The following RGL2 variants were observed in gnomAD, a reference collection of about 807,000 sequenced individuals.
RGL2 encodes ral guanine nucleotide dissociation stimulator-like 2.
RGL2 carries 40 observed loss-of-function variants against 84.6 expected under a neutral mutation model. The ratio of observed to expected loss-of-function variants is 0.47; its 90% confidence interval spans 0.37 to 0.62. The LOEUF is 0.62. RGL2 is among the 20% of genes least tolerant of loss of function. The probability of loss-of-function intolerance (pLI) is 0.00; values close to 1 mark genes in which losing one functional copy is unlikely to be tolerated. For missense variants in RGL2, 865 were observed against 1,019.7 expected, an observed-to-expected ratio of 0.85 and a Z score of 2.07; for synonymous variants, 369 against 417.3, an observed-to-expected ratio of 0.88 and a Z score of 1.41.
chr6:33,292,773 A>C (rs1767537353), intron 16 of RGL2, among the ~76,000 whole-genome samples: 1 of 152,234 alleles, frequency 6.6e-6, no homozygotes, highest in Non-Finnish European at 1.5e-5. Flanking sequence ...AAATTTTAAC[A>C]CGGCGACCAA....
At position 33,296,472 on chromosome 6, in the gene RGL2, G is replaced by A. The variant is rs1767969165; in HGVS notation, c.420-8C>T. ...GATTCAAGGGCTTCCAGCCTGAGGG[G>A]GAGAAGAGGATCTATCTGTCCATTT... is the stretch of plus-strand genomic sequence containing the variant. On this transcript the variant is annotated splice_region_variant and splice_polypyrimidine_tract_variant and intron_variant, in intron 4 of 17. Transcript: ENST00000497454. This position sits in a 1 kb window ranked among gnomAD's most constrained non-coding sequence, Gnocchi z 5.0. 5 of 1,604,284 alleles carry A rather than the reference G, an allele frequency of 3.1e-6. No homozygotes were observed. Among genetic ancestry groups the A allele is most frequent in the Non-Finnish European group, 4.3e-6 (5 of 1,175,218 alleles).
rs964379270 is a variant in RGL2 at position 33,294,624 on chromosome 6, G to A, written c.1353+64C>T. 5.5e-5 allele frequency: 86 copies of A among 1,574,024 alleles called. No individual in the cohort carries two copies. The South Asian group carries it at 9.5e-4, about 17-fold the overall frequency. On this transcript the variant is annotated intron_variant, in intron 11 of 17. Transcript: ENST00000497454. The surrounding 1 kb of genome is among the most constrained non-coding windows in gnomAD (Gnocchi z 5.0). ...TACAGCCCCTTGCAAGGGGCGGGGGGGTCTGTCCGACCCTGCAGCCCACTT... is the reference window on the plus strand; with the variant it reads ...TACAGCCCCTTGCAAGGGGCGGGGGAGTCTGTCCGACCCTGCAGCCCACTT...
Position 33,292,482 on chromosome 6 carries a change from G to A in RGL2, c.2070C>T (p.Asp690=), listed in dbSNP as rs541370191. The A allele has an allele frequency of 4.3e-6, 7 of 1,614,044 alleles. No homozygotes were observed. The highest frequency in any genetic ancestry group is 5.1e-6 in the Non-Finnish European group (6 of 1,180,044). The part of the protein sequence containing the change: ...ISRVLKKNNR[D]SAVASEYELV... ...GCTCATACTCTGAAGCCACTGCAGA[G>A]TCACGATTGTTTTTCTTAAGGACAC... The change falls in exon 17 of 18, where the codon GAC becomes GAT. Residue 690 remains aspartate, a synonymous_variant. Transcript: ENST00000497454.
Position 33,291,969 on chromosome 6 carries a change from A to T in RGL2, c.*133T>A. 1.1e-6 allele frequency: 1 copy of T among 927,384 alleles called. No individual in the cohort carries two copies. The highest frequency in any genetic ancestry group is 1.6e-5 in the South Asian group (1 of 64,006). 57.4% of individuals were successfully genotyped at this position (927,384 alleles called of 1,614,324 possible). A position where few individuals can be genotyped will look rare whatever the true frequency, so the allele number is the denominator to read the frequency against. ...CTCAGCTGTCTGGTAAACCAGTGGCACTTCACTGCCCCAGGGTGGCTGGCT... is the reference window on the plus strand; with the variant it reads ...CTCAGCTGTCTGGTAAACCAGTGGCTCTTCACTGCCCCAGGGTGGCTGGCT... On this transcript the variant is annotated 3_prime_UTR_variant, in exon 18 of 18. Transcript: ENST00000497454.
Position 33,295,244 on chromosome 6 carries a change from G to A in RGL2, c.1125-33C>T. On this transcript the variant is annotated intron_variant, in intron 8 of 17. Transcript: ENST00000497454. This position sits in a 1 kb window ranked among gnomAD's most constrained non-coding sequence, Gnocchi z 7.2. ...AGGGAGAAAAGTGGCCCTGAGGACA[G>A]GCCTGGCTCTGTCACCCCCTCTTCC... The A allele has an allele frequency of 6.3e-7, 1 of 1,578,586 alleles. No individual in the cohort carries two copies. Among genetic ancestry groups the A allele is most frequent in the Non-Finnish European group, 8.6e-7 (1 of 1,161,030 alleles).
rs1019221287 is a variant in RGL2, at chr6:33,291,788, G to C, written c.*314C>G. 7.4e-6 allele frequency: 4 copies of C among 537,030 alleles called. No homozygotes were observed. The African/African-American group carries it at 7.6e-5, about 10-fold the overall frequency. The allele number at this position is 537,030 out of a possible 1,614,324, so 33.3% of individuals were successfully genotyped here. A position where few individuals can be genotyped will look rare whatever the true frequency, so the allele number is the denominator to read the frequency against. ...CTGCCCTGGGGCTCAGAGCCTTGAA[G>C]CCTTTGCTTGGCCCTTGCATGTTAG... On this transcript the variant is annotated 3_prime_UTR_variant, in exon 18 of 18. Coordinates refer to ENST00000497454, the MANE Select transcript of RGL2 (RefSeq NM_004761.5).
Position 33,295,316 on chromosome 6 carries a change from C to T in RGL2, c.1124+3G>A, listed in dbSNP as rs760324029. The stretch of plus-strand genomic sequence containing the variant: ...CCCCAGTCCAATGCCTCAGCCTCCG[C>T]ACCTGGTTGCTTCCCCCCAGGCTGC... On this transcript the variant is annotated splice_donor_region_variant and intron_variant, in intron 8 of 17. Coordinates refer to ENST00000497454, the MANE Select transcript of RGL2 (RefSeq NM_004761.5). The surrounding 1 kb of genome is among the most constrained non-coding windows in gnomAD (Gnocchi z 7.2). 4.5e-6 allele frequency: 7 copies of T among 1,569,282 alleles called. No homozygotes were observed. Among genetic ancestry groups the T allele is most frequent in the Non-Finnish European group, 2.6e-6 (3 of 1,157,046 alleles).
Position 33,297,097 on chromosome 6 carries a change from C to G in RGL2, c.175G>C (p.Asp59His). Residue 59 changes from aspartate to histidine, a missense_variant, in exon 3 of 18, where the codon GAT (aspartate) becomes CAT (histidine). Physicochemically the swap from Asp to His is moderately conservative, Grantham distance 81. This residue lies in a region of RGL2 where 455 missense variants were observed against 507.8 expected (regional missense o/e 0.90). Transcript: ENST00000497454. This position sits in a 1 kb window ranked among gnomAD's most constrained non-coding sequence, Gnocchi z 4.0. ...EEEEAPVSVWDEEEDGAVFTV... is the reference protein window; with the variant it reads ...EEEEAPVSVWHEEEDGAVFTV... ...AACACGGCACCATCCTCCTCCTCAT[C>G]CCAGACGGACACAGGGGCCTGGAGG... 1 of 1,560,736 alleles carries G rather than the reference C, an allele frequency of 6.4e-7. No homozygotes were observed. The highest frequency in any genetic ancestry group is 1.2e-5 in the South Asian group (1 of 80,410).
At position 33,291,685 on chromosome 6, in the gene RGL2, T is replaced by C. The variant is rs772078928; in HGVS notation, c.*417A>G. On this transcript the variant is annotated 3_prime_UTR_variant, in exon 18 of 18. Coordinates refer to ENST00000497454, the MANE Select transcript of RGL2 (RefSeq NM_004761.5). The stretch of plus-strand genomic sequence containing the variant: ...TCAGGTAGTGTTTTGGTTTATTATC[T>C]TAGTGTTGTCACAGTGATAGAAACC... The C allele has an allele frequency of 3.3e-6, 1 of 304,624 alleles. No individual in the cohort carries two copies. The highest frequency in any genetic ancestry group is 6.2e-6 in the Non-Finnish European group (1 of 161,546). The allele number at this position is 304,624 out of a possible 1,614,324, so 18.9% of individuals were successfully genotyped here.
Position 33,293,589 on chromosome 6 carries a change from C to T in RGL2, c.1604+15G>A. 6.2e-7 allele frequency: 1 copy of T among 1,613,418 alleles called. No homozygotes were observed. Reference sequence around the variant, plus strand: ...AAGTCCCAAGAAACCACCCCCCAGCCAGTGAATCTCTCACTCTGTCCACTG... The same window carrying T: ...AAGTCCCAAGAAACCACCCCCCAGCTAGTGAATCTCTCACTCTGTCCACTG... On this transcript the variant is annotated intron_variant, in intron 14 of 17. Coordinates refer to ENST00000497454, the MANE Select transcript of RGL2 (RefSeq NM_004761.5). This position sits in a 1 kb window ranked among gnomAD's most constrained non-coding sequence, Gnocchi z 7.0.
At position 33,297,239 on chromosome 6, in the gene RGL2, C is replaced by A; in HGVS notation, c.157-124G>T. 1.4e-6 allele frequency: 1 copy of A among 727,920 alleles called. No individual in the cohort carries two copies. Among genetic ancestry groups the A allele is most frequent in the East Asian group, 2.7e-5 (1 of 36,570 alleles). The allele number at this position is 727,920 out of a possible 1,614,324, so 45.1% of individuals were successfully genotyped here. On this transcript the variant is annotated intron_variant, in intron 2 of 17. Transcript: ENST00000497454. The surrounding 1 kb of genome is among the most constrained non-coding windows in gnomAD (Gnocchi z 4.0). ...CTGTGGTGGCAGGGCATAGTACCAGCGAGTGCGAGGAAGGGTTGGGGGAGC... is the reference window on the plus strand; with the variant it reads ...CTGTGGTGGCAGGGCATAGTACCAGAGAGTGCGAGGAAGGGTTGGGGGAGC...
chr6:33,293,021 T>C lies in RGL2; in HGVS notation c.2002A>G (p.Ile668Val). 2 of 1,614,108 alleles carry C rather than the reference T, an allele frequency of 1.2e-6. No individual in the cohort carries two copies. Among genetic ancestry groups the C allele is most frequent in the Non-Finnish European group, 1.7e-6 (2 of 1,180,026 alleles). Residue 668 changes from isoleucine to valine, a missense_variant, in exon 16 of 18, where the codon ATT (isoleucine) becomes GTT (valine). Ile to Val is a conservative substitution (Grantham distance 29). Coordinates refer to ENST00000497454, the MANE Select transcript of RGL2 (RefSeq NM_004761.5). The surrounding 1 kb of genome is among the most constrained non-coding windows in gnomAD (Gnocchi z 7.0). ...LGEDGSVYKS[I>V]LVTSQDKAPS... ...CCATCCCAAGGCTCCCTCACCAAAA[T>C]GCTCTTATAGACACTGCCATCTTCC... is the stretch of plus-strand genomic sequence containing the variant.
chr6:33,298,566 G>T lies in RGL2; in HGVS notation c.45C>A (p.Pro15=). The change falls in exon 2 of 18, where the codon CCC becomes CCA. Residue 15 remains proline (P), a synonymous_variant. Transcript: ENST00000497454. The surrounding 1 kb of genome is among the most constrained non-coding windows in gnomAD (Gnocchi z 4.8). Reference sequence around the variant, plus strand: ...GGAAGCTGCTCAGTACGACTCCCCCGGGGGGGCTCGTGTCCAAAAGCAGCC... The same window carrying T: ...GGAAGCTGCTCAGTACGACTCCCCCTGGGGGGCTCGTGTCCAAAAGCAGCC... ...PLRLLLDTSP[P]GGVVLSSFRS... is the part of the protein sequence containing the mutation. 6.8e-7 allele frequency: 1 copy of T among 1,467,804 alleles called. No individual in the cohort carries two copies. 90.9% of individuals were successfully genotyped at this position (1,467,804 alleles called of 1,614,324 possible). A position where few individuals can be genotyped will look rare whatever the true frequency, so the allele number is the denominator to read the frequency against.
chr6:33,297,471 G>A lies in RGL2; in HGVS notation c.157-356C>T, dbSNP rs972738337. 1 of 271,366 alleles carries A rather than the reference G, an allele frequency of 3.7e-6. No individual in the cohort carries two copies. Among genetic ancestry groups the A allele is most frequent in the Non-Finnish European group, 7.0e-6 (1 of 142,900 alleles). The allele number at this position is 271,366 out of a possible 1,614,324, so 16.8% of individuals were successfully genotyped here. A position where few individuals can be genotyped will look rare whatever the true frequency, so the allele number is the denominator to read the frequency against. ...CAAAGGGCAGGAGAGGGAAGCGAGAGGCAGCAAGCCAGAGGCAGCGACTAG... is the reference window on the plus strand; with the variant it reads ...CAAAGGGCAGGAGAGGGAAGCGAGAAGCAGCAAGCCAGAGGCAGCGACTAG... On this transcript the variant is annotated intron_variant, in intron 2 of 17. Transcript: ENST00000497454. The surrounding 1 kb of genome is among the most constrained non-coding windows in gnomAD (Gnocchi z 4.0).
rs1767756230 is a variant in RGL2, at chr6:33,294,637, C to T, written c.1353+51G>A. The T allele has an allele frequency of 6.2e-7, 1 of 1,605,106 alleles. No homozygotes were observed. Among genetic ancestry groups the T allele is most frequent in the Non-Finnish European group, 8.5e-7 (1 of 1,173,252 alleles). On this transcript the variant is annotated intron_variant, in intron 11 of 17. Coordinates refer to ENST00000497454, the MANE Select transcript of RGL2 (RefSeq NM_004761.5). The surrounding 1 kb of genome is among the most constrained non-coding windows in gnomAD (Gnocchi z 5.0). ...AAGGGGCGGGGGGGTCTGTCCGACCCTGCAGCCCACTTGTTACATCATTGC... is the reference window on the plus strand; with the variant it reads ...AAGGGGCGGGGGGGTCTGTCCGACCTTGCAGCCCACTTGTTACATCATTGC...
chr6:33,295,464 C>T lies in RGL2; in HGVS notation c.1021-42G>A, dbSNP rs761822803. 6.2e-7 allele frequency: 1 copy of T among 1,613,468 alleles called. No homozygotes were observed. The highest frequency in any genetic ancestry group is 1.1e-5 in the South Asian group (1 of 91,082). On this transcript the variant is annotated intron_variant, in intron 7 of 17. Coordinates refer to ENST00000497454, the MANE Select transcript of RGL2 (RefSeq NM_004761.5). The surrounding 1 kb of genome is among the most constrained non-coding windows in gnomAD (Gnocchi z 7.2). Reference sequence around the variant, plus strand: ...AGAGAGCTAAGGCTATGGGAGGCCTCTCCATTCCATGGCCACAAACCGTAG... The same window carrying T: ...AGAGAGCTAAGGCTATGGGAGGCCTTTCCATTCCATGGCCACAAACCGTAG...
rs989444258 is a variant in RGL2 at position 33,296,779 on chromosome 6, G to C, written c.241-3C>G. 1 of 1,613,988 alleles carries C rather than the reference G, an allele frequency of 6.2e-7. No individual in the cohort carries two copies. The highest frequency in any genetic ancestry group is 8.5e-7 in the Non-Finnish European group (1 of 1,180,028). ...GAACGTGGGGGAGGCATAGGGACCTGGAGAACACAGAGAGATGATCGCTAA... is the reference window on the plus strand; with the variant it reads ...GAACGTGGGGGAGGCATAGGGACCTCGAGAACACAGAGAGATGATCGCTAA... On this transcript the variant is annotated splice_polypyrimidine_tract_variant and splice_region_variant and intron_variant, in intron 3 of 17. Transcript: ENST00000497454. This position sits in a 1 kb window ranked among gnomAD's most constrained non-coding sequence, Gnocchi z 5.0.
In RGL2 at chr6:33,295,615, C is replaced by T. The variant is rs1306573782; in HGVS notation, c.913G>A (p.Val305Ile). Residue 305 changes from valine (V) to isoleucine (I), a missense_variant, in exon 7 of 18, where the codon GTC becomes ATC. Val to Ile is a conservative substitution (Grantham distance 29). Coordinates refer to ENST00000497454, the MANE Select transcript of RGL2 (RefSeq NM_004761.5). This position sits in a 1 kb window ranked among gnomAD's most constrained non-coding sequence, Gnocchi z 7.2. ...NKVAGAVVSS[V>I]LGATSTGEGP... Reference sequence around the variant, plus strand: ...TCTCCAGTGGAAGTAGCCCCCAGGACAGAACTAACCACTGCCCCTGCCACC... The same window carrying T: ...TCTCCAGTGGAAGTAGCCCCCAGGATAGAACTAACCACTGCCCCTGCCACC... 6.2e-7 allele frequency: 1 copy of T among 1,613,992 alleles called. No homozygotes were observed. Among genetic ancestry groups the T allele is most frequent in the Non-Finnish European group, 8.5e-7 (1 of 1,180,040 alleles).
In RGL2 at chr6:33,296,626, G is replaced by A. The variant is rs748739759; in HGVS notation, c.391C>T (p.Pro131Ser). Residue 131 changes from proline to serine, a missense_variant, in exon 4 of 18, where the codon CCT becomes TCT. Pro to Ser is a moderately conservative substitution (Grantham distance 74, BLOSUM62 -1). Transcript: ENST00000497454. This position sits in a 1 kb window ranked among gnomAD's most constrained non-coding sequence, Gnocchi z 5.0. ...TCAGCCATAAGCCCTAGCAAGGCAG[G>A]CGTGGAGGTGAAGGCCCGGTGGGTA... ...LATHRAFTST[P>S]ALLGLMADRL... The A allele has an allele frequency of 6.2e-7, 1 of 1,613,848 alleles. No homozygotes were observed. The highest frequency in any genetic ancestry group is 8.5e-7 in the Non-Finnish European group (1 of 1,179,990).
Sources: gnomAD v4.1 joint callset for allele counts (sites outside exome capture counted in the v4.1 genomes callset) on GRCh38, gnomAD v4.1.1 for gene constraint, gnomAD v4.1.1 regional missense constraint, Gnocchi (gnomAD v3.1) non-coding constraint, MANE v1.5 for transcripts, NCBI Gene and HGNC (gene_info 2026-07-23, HGNC 2026-07-21) for gene names.